CDC42BPB: variants seen among roughly 807,000 people sequenced by gnomAD.
CDC42BPB encodes serine/threonine-protein kinase MRCK beta.
CDC42BPB carries 37 observed loss-of-function variants against 214.9 expected under a neutral mutation model. The observed-to-expected ratio is 0.17, with a 90% CI of 0.13 to 0.23. CDC42BPB has a LOEUF of 0.23. Among genes scored for constraint, CDC42BPB ranks in the 10% least tolerant of loss-of-function variants. CDC42BPB has a pLI of 1.00. For synonymous variants in CDC42BPB, 931 were observed against 884.0 expected (o/e 1.05, Z -0.94); for missense variants, 1,694 against 2,227.0 (o/e 0.76, Z 4.82).
intron 5 of CDC42BPB, among the ~76,000 whole-genome samples, chr14:102,995,767 C>A (rs1264726525): frequency 6.6e-6 from 1 of 152,230 alleles, no homozygotes; most frequent in Non-Finnish European, 1.5e-5. Flanking sequence ...CATGCTGTAA[C>A]GTCAGCCACG....
At chr14:102,962,085 T>C (rs775055651) in intron 20 of CDC42BPB, among the ~76,000 whole-genome samples, 18 of 152,144 alleles carry the variant, frequency 1.2e-4, no homozygotes, top group African/African-American at 3.6e-4. Flanking sequence ...TTATGAGAAA[T>C]ATGCAAGTTA....
chr14:103,005,830 G>A (rs1233144685), intron 3 of CDC42BPB, among the ~76,000 whole-genome samples: 1 of 152,090 alleles, frequency 6.6e-6, no homozygotes, highest in Admixed American at 6.5e-5. Flanking sequence ...GACCAGCTTG[G>A]CCAACATGGT....
intron 11 of CDC42BPB, 32 bp downstream of exon 11, chr14:102,975,652 G>C (rs779763507): frequency 6.2e-7 from 1 of 1,607,272 alleles, no homozygotes; most frequent in Admixed American, 1.7e-5. Context: ...ACCAAAAATA[G>C]AGACTAAGAA....
intron 36 of CDC42BPB, among the ~76,000 whole-genome samples, chr14:102,934,879 G>A (rs1014114890): frequency 6.7e-5 from 10 of 150,238 alleles, no homozygotes; most frequent in Non-Finnish European, 1.2e-4. Flanking sequence ...GCATGGTGGT[G>A]GGCACCTGTA....
Position 102,944,841 on chromosome 14 carries a change from GCCT to G in CDC42BPB, c.3812-357_3812-355del, listed in dbSNP as rs1277302072. On this transcript the variant is annotated intron_variant, in intron 29 of 36. Coordinates refer to ENST00000361246, the MANE Select transcript of CDC42BPB (RefSeq NM_006035.4). The surrounding 1 kb of genome is among the most constrained non-coding windows in gnomAD (Gnocchi z 6.6). ...GCAGCAAGGCCCTGGGGTGATCTGG[GCCT>G]CCTTCCAGCTCATCCCCGAACCAGA... is the stretch of plus-strand genomic sequence containing the variant. Among the ~76,000 whole-genome samples, 4 of 152,150 alleles carry G rather than the reference GCCT, an allele frequency of 2.6e-5. No homozygotes were observed. Among genetic ancestry groups the G allele is most frequent in the Non-Finnish European group, 4.4e-5 (3 of 68,014 alleles).
In CDC42BPB at chr14:102,946,237, A is replaced by G. The variant is rs35870729; in HGVS notation, c.3748+231T>C. 4.0e-5 allele frequency among the ~76,000 whole-genome samples: 6 copies of G among 151,544 alleles called. No homozygotes were observed. In the South Asian group the frequency reaches 8.4e-4, roughly 21 times the overall value. On this transcript the variant is annotated intron_variant, in intron 28 of 36. Coordinates refer to ENST00000361246, the MANE Select transcript of CDC42BPB (RefSeq NM_006035.4). ...ACAGGGTTTCACCGTGTTAGCCAGGATGGTCTCAACCTCCTGACCTTGTGA... is the reference window on the plus strand; with the variant it reads ...ACAGGGTTTCACCGTGTTAGCCAGGGTGGTCTCAACCTCCTGACCTTGTGA...
In CDC42BPB at chr14:103,018,508, G is replaced by A. The variant is rs117135980; in HGVS notation, c.176-6320C>T. ...AGAAATGAATGGGACAGTGGTCCTG[G>A]AACAGAGGAGGAAGTCGCATCGATA... On this transcript the variant is annotated intron_variant, in intron 1 of 36. Coordinates refer to ENST00000361246, the MANE Select transcript of CDC42BPB (RefSeq NM_006035.4). Among the ~76,000 whole-genome samples the A allele has an allele frequency of 4.1e-3, 620 of 152,342 alleles. 1 individual carries two copies. The highest frequency in any genetic ancestry group is 7.1e-3 in the Non-Finnish European group (486 of 68,034).
chr14:103,033,308 G>C (rs922107109), intron 1 of CDC42BPB, among the ~76,000 whole-genome samples: 1 of 152,040 alleles, frequency 6.6e-6, no homozygotes, highest in African/African-American at 2.4e-5. Flanking sequence ...TGCAAGCCCC[G>C]CCTTCTGGGT....
intron 17 of CDC42BPB, 158 bp from the exon 18 acceptor site, chr14:102,966,545 G>C: frequency 5.1e-6 from 5 of 984,386 alleles, no homozygotes; most frequent in Non-Finnish European, 6.0e-6. Flanking sequence ...GGATCTCATT[G>C]ATGGATGCGT....
intron 11 of CDC42BPB, among the ~76,000 whole-genome samples, chr14:102,974,932 T>C (rs1400830633): frequency 6.6e-6 from 1 of 151,282 alleles, no homozygotes; most frequent in Non-Finnish European, 1.5e-5. Context: ...GGTGACAGAG[T>C]GAGACTCCGT....
chr14:103,034,818 CAA>C (rs573894825), intron 1 of CDC42BPB, among the ~76,000 whole-genome samples: 32 of 62,816 alleles, frequency 5.1e-4, no homozygotes, highest in Admixed American at 1.5e-3. Flanking sequence ...ACTCCGTCTC[CAA>C]AAAAAAAAAA....
intron 4 of CDC42BPB, among the ~76,000 whole-genome samples, chr14:103,002,457 A>T (rs926862117): frequency 1.3e-5 from 2 of 152,234 alleles, no homozygotes; most frequent in African/African-American, 4.8e-5. Flanking sequence ...GCTAATTTAA[A>T]AAAATATTAG....
chr14:102,995,624 T>C (rs1894692617), intron 5 of CDC42BPB, among the ~76,000 whole-genome samples: 1 of 152,244 alleles, frequency 6.6e-6, no homozygotes, highest in Admixed American at 6.5e-5. Context: ...GGAAGGCTTT[T>C]GGGGTCCAGC....
intron 11 of CDC42BPB, among the ~76,000 whole-genome samples, chr14:102,974,589 A>G (rs962174376): frequency 2.0e-5 from 3 of 152,228 alleles, no homozygotes; most frequent in African/African-American, 7.2e-5. Context: ...AATGCAGAGA[A>G]GGTGAGATTC....
chr14:102,949,537 G>A (rs917631594), intron 26 of CDC42BPB, among the ~76,000 whole-genome samples: 1 of 152,098 alleles, frequency 6.6e-6, no homozygotes, highest in African/African-American at 2.4e-5. Context: ...GGCAGGAAGC[G>A]TCTACAGCGC....
At chr14:102,935,013 C>CAAAA (rs35596449) in intron 36 of CDC42BPB, among the ~76,000 whole-genome samples, 1 of 71,364 alleles carries the variant, frequency 1.4e-5, no homozygotes. Context: ...GACTCTGTCT[C>CAAAA]AAAAAAAAAA....
At chr14:103,002,991 T>A (rs960788925) in intron 4 of CDC42BPB, among the ~76,000 whole-genome samples, 1 of 152,124 alleles carries the variant, frequency 6.6e-6, no homozygotes, top group Admixed American at 6.5e-5. Flanking sequence ...CACTACTCCA[T>A]CTGCTGTGAA....
At chr14:102,934,362 G>A (rs1009035597) in intron 36 of CDC42BPB, among the ~76,000 whole-genome samples, 5 of 151,944 alleles carry the variant, frequency 3.3e-5, no homozygotes, top group Non-Finnish European at 4.4e-5. Context: ...GTGAAACCCC[G>A]TCTCTACTAA....
rs1204162544 is a variant in CDC42BPB, at chr14:102,933,582, GTCT to G, written c.*127_*129del. The G allele has an allele frequency of 2.8e-6, 2 of 715,348 alleles. No homozygotes were observed. Among genetic ancestry groups the G allele is most frequent in the Non-Finnish European group, 4.1e-6 (2 of 482,266 alleles). 44.3% of individuals were successfully genotyped at this position (715,348 alleles called of 1,614,324 possible). A position where few individuals can be genotyped will look rare whatever the true frequency, so the allele number is the denominator to read the frequency against. ...CTGATCAATATTATAATAAAGATTT[GTCT>G]TCTTCATCTCCATATCTACAAAGTG... On this transcript the variant is annotated 3_prime_UTR_variant, in exon 37 of 37. Transcript: ENST00000361246.
Sources: allele counts gnomAD v4.1 joint callset (sites outside exome capture counted in the v4.1 genomes callset), GRCh38; gene constraint gnomAD v4.1.1; non-coding constraint Gnocchi (gnomAD v3.1); transcripts MANE v1.5; gene names NCBI Gene and HGNC (gene_info 2026-07-23, HGNC 2026-07-21).